The following ST3GAL4 variants were observed in gnomAD, a reference collection of about 807,000 sequenced individuals.
ST3GAL4 encodes CMP-N-acetylneuraminate-beta-galactosamide-alpha-2,3-sialyltransferase 4.
Under a neutral mutation model 42.6 loss-of-function variants are expected in ST3GAL4, and 24 were observed. That is an observed-to-expected ratio of 0.56 (90% confidence interval 0.41 to 0.79). The LOEUF is 0.79. Among genes scored for constraint, ST3GAL4 ranks in the 30% least tolerant of loss-of-function variants. The probability of loss-of-function intolerance (pLI) is 0.00; values close to 1 mark genes in which losing one functional copy is unlikely to be tolerated. For missense variants in ST3GAL4, 311 were observed against 430.8 expected, an observed-to-expected ratio of 0.72 and a Z score of 2.46; for synonymous variants, 135 against 163.2, an observed-to-expected ratio of 0.83 and a Z score of 1.32.
intron 5 of ST3GAL4, 81 bp downstream of exon 5, chr11:126,407,430 G>A: frequency 6.4e-7 from 1 of 1,568,758 alleles, no homozygotes; most frequent in Middle Eastern, 1.7e-4. Context: ...CACGGCCCCA[G>A]TGCCCAAGTT....
In ST3GAL4 at chr11:126,396,590, G is replaced by A. The variant is rs1953775908; in HGVS notation, c.-60-9506G>A. Among the ~76,000 whole-genome samples the A allele has an allele frequency of 6.6e-6, 1 of 151,882 alleles. No individual in the cohort carries two copies. Among genetic ancestry groups the A allele is most frequent in the African/African-American group, 2.4e-5 (1 of 41,160 alleles). ...GGGGCTCGACAGGCTCTTCGTCACT[G>A]TGCGGAGCCTTCGAAGGACTTGGAT... is the stretch of plus-strand genomic sequence containing the variant. On this transcript the variant is annotated intron_variant, in intron 1 of 10. Transcript: ENST00000444328. The surrounding 1 kb of genome is among the most constrained non-coding windows in gnomAD (Gnocchi z 5.8).
rs1022722009 is a variant in ST3GAL4 at position 126,396,704 on chromosome 11, A to G, written c.-60-9392A>G. 6.6e-6 allele frequency among the ~76,000 whole-genome samples: 1 copy of G among 150,632 alleles called. No individual in the cohort carries two copies. Among genetic ancestry groups the G allele is most frequent in the Non-Finnish European group, 1.5e-5 (1 of 67,768 alleles). On this transcript the variant is annotated intron_variant, in intron 1 of 10. Transcript: ENST00000444328. The surrounding 1 kb of genome is among the most constrained non-coding windows in gnomAD (Gnocchi z 5.8). ...AGTCTAGGGAGCCAGTCTGCACGGGATGGTTTTAGAAGCCGTAGGATGTGG... is the reference window on the plus strand; with the variant it reads ...AGTCTAGGGAGCCAGTCTGCACGGGGTGGTTTTAGAAGCCGTAGGATGTGG...
rs746299475 is a variant in ST3GAL4 at position 126,398,325 on chromosome 11, G to T, written c.-60-7771G>T. On this transcript the variant is annotated intron_variant, in intron 1 of 10. Coordinates refer to ENST00000444328, the MANE Select transcript of ST3GAL4 (RefSeq NM_001254757.2). This position sits in a 1 kb window ranked among gnomAD's most constrained non-coding sequence, Gnocchi z 4.7. ...AGACAACTCCAGAACCCAGCAGGGG[G>T]AACAATACCAAATCCCAACTTGACA... 6.6e-6 allele frequency among the ~76,000 whole-genome samples: 1 copy of T among 152,216 alleles called. No individual in the cohort carries two copies. Among genetic ancestry groups the T allele is most frequent in the African/African-American group, 2.4e-5 (1 of 41,446 alleles).
chr11:126,379,122 G>T lies in ST3GAL4; in HGVS notation c.-61+23280G>T, dbSNP rs1272898893. 3.3e-5 allele frequency among the ~76,000 whole-genome samples: 5 copies of T among 152,250 alleles called. No individual in the cohort carries two copies. The highest frequency in any genetic ancestry group is 3.3e-4 in the Admixed American group (5 of 15,286). The stretch of plus-strand genomic sequence containing the variant: ...GAAGGATACCAACCCTTTTCATAAC[G>T]CCATTTTCCTGAATTGCTCACTCAA... On this transcript the variant is annotated intron_variant, in intron 1 of 10. Coordinates refer to ENST00000444328, the MANE Select transcript of ST3GAL4 (RefSeq NM_001254757.2). The surrounding 1 kb of genome is among the most constrained non-coding windows in gnomAD (Gnocchi z 4.2).
intron 1 of ST3GAL4, chr11:126,405,885 C>T (rs1486801647): frequency 1.8e-5 from 11 of 615,666 alleles, no homozygotes; most frequent in Admixed American, 3.0e-5. Flanking sequence ...TTTTCCCTTC[C>T]GTGGCAGGGC....
intron 1 of ST3GAL4, among the ~76,000 whole-genome samples, chr11:126,367,121 G>A (rs1433253273): frequency 6.6e-6 from 1 of 152,118 alleles, no homozygotes; most frequent in Non-Finnish European, 1.5e-5. Flanking sequence ...TCAGGCTGAG[G>A]GATCCGTGTG....
At chr11:126,389,929 A>G (rs1212788731) in intron 1 of ST3GAL4, among the ~76,000 whole-genome samples, 2 of 150,052 alleles carry the variant, frequency 1.3e-5, no homozygotes. Flanking sequence ...ATCCCAGCAC[A>G]CTGGGAGGCC....
At chr11:126,387,623 G>C (rs987044635) in intron 1 of ST3GAL4, among the ~76,000 whole-genome samples, 2 of 151,356 alleles carry the variant, frequency 1.3e-5, no homozygotes, top group Non-Finnish European at 2.9e-5. Context: ...GCAGTGAGCT[G>C]AGATTGGGCC....
intron 1 of ST3GAL4, among the ~76,000 whole-genome samples, chr11:126,360,734 C>G (rs1225263049): frequency 1.3e-5 from 2 of 152,168 alleles, no homozygotes; most frequent in African/African-American, 4.8e-5. Flanking sequence ...GCGTGTCTGT[C>G]TTGTTCACTG....
intron 1 of ST3GAL4, among the ~76,000 whole-genome samples, chr11:126,377,324 C>A (rs751199757): frequency 5.9e-5 from 9 of 151,984 alleles, no homozygotes; most frequent in Admixed American, 2.6e-4. Context: ...GTGTGTACCA[C>A]CACACCCAGC....
chr11:126,358,404 C>T (rs899352479), intron 1 of ST3GAL4: 1 of 424,652 alleles, frequency 2.4e-6, no homozygotes, highest in East Asian at 8.2e-5. Context: ...TCTTTGTTGC[C>T]CCCTTCCCAG....
At chr11:126,365,232 TG>T (rs772381642) in intron 1 of ST3GAL4, among the ~76,000 whole-genome samples, 3 of 148,174 alleles carry the variant, frequency 2.0e-5, no homozygotes, top group Non-Finnish European at 4.5e-5. Flanking sequence ...CAGGCTTCCT[TG>T]GGAAGAGCCT....
intron 1 of ST3GAL4, chr11:126,405,774 T>G: frequency 3.2e-6 from 1 of 309,690 alleles, no homozygotes; most frequent in Non-Finnish European, 6.1e-6. Flanking sequence ...CCTTCCTGGG[T>G]CAAAATGCAG....
chr11:126,370,019 G>T (rs1952584614), intron 1 of ST3GAL4, among the ~76,000 whole-genome samples: 1 of 152,174 alleles, frequency 6.6e-6, no homozygotes, highest in Admixed American at 6.5e-5. Flanking sequence ...GTGTTTCGTT[G>T]TGTGTGCCTA....
rs1263101365 is a variant in ST3GAL4 at position 126,383,428 on chromosome 11, G to A, written c.-60-22668G>A. 2.0e-5 allele frequency among the ~76,000 whole-genome samples: 3 copies of A among 152,126 alleles called. No homozygotes were observed. Among genetic ancestry groups the A allele is most frequent in the Admixed American group, 2.0e-4 (3 of 15,270 alleles). ...ACCCACTGGGCCTGAGGGAGGTAGAGCAGCAGCAGCAGCAGCTGAGCCCAG... is the reference window on the plus strand; with the variant it reads ...ACCCACTGGGCCTGAGGGAGGTAGAACAGCAGCAGCAGCAGCTGAGCCCAG... On this transcript the variant is annotated intron_variant, in intron 1 of 10. Transcript: ENST00000444328. This position sits in a 1 kb window ranked among gnomAD's most constrained non-coding sequence, Gnocchi z 4.5.
chr11:126,375,819 C>T (rs1445433923), intron 1 of ST3GAL4, among the ~76,000 whole-genome samples: 2 of 151,576 alleles, frequency 1.3e-5, no homozygotes, highest in Non-Finnish European at 2.9e-5. Flanking sequence ...AACTGTCTGG[C>T]CCCCAAAGTT....
At chr11:126,388,228 C>T (rs1330594749) in intron 1 of ST3GAL4, among the ~76,000 whole-genome samples, 2 of 152,240 alleles carry the variant, frequency 1.3e-5, no homozygotes, top group South Asian at 2.1e-4. Flanking sequence ...GTCTCCATCA[C>T]GCTGGAATTT....
At chr11:126,399,388 T>G (rs1953914198) in intron 1 of ST3GAL4, among the ~76,000 whole-genome samples, 1 of 132,460 alleles carries the variant, frequency 7.5e-6, no homozygotes, top group Admixed American at 9.2e-5. Flanking sequence ...TACTGCAACT[T>G]CTGTCTCCTG....
At position 126,413,613 on chromosome 11, in the gene ST3GAL4, C is replaced by T; in HGVS notation, c.880C>T (p.His294Tyr). ...CGCCTACAACAAGAAGCAGACCATT[C>T]ACTACTATGAGCAGATCACGCTCAA... ...PDAYNKKQTI[H>Y]YYEQITLKSM... The change falls in exon 10 of 11, where the codon CAC (histidine) becomes TAC (tyrosine). Residue 294 changes from histidine (H) to tyrosine (Y), a missense_variant. Physicochemically the swap from His to Tyr is moderately conservative, Grantham distance 83. Transcript: ENST00000444328. 6.2e-7 allele frequency: 1 copy of T among 1,614,276 alleles called. No individual in the cohort carries two copies. The highest frequency in any genetic ancestry group is 1.1e-5 in the South Asian group (1 of 91,090).
Sources: allele counts gnomAD v4.1 joint callset (sites outside exome capture counted in the v4.1 genomes callset), GRCh38; gene constraint gnomAD v4.1.1; non-coding constraint Gnocchi (gnomAD v3.1); transcripts MANE v1.5; gene names NCBI Gene and HGNC (gene_info 2026-07-23, HGNC 2026-07-21).